The following CFDP1 variants were observed in gnomAD, a reference collection of about 807,000 sequenced individuals.
CFDP1 encodes heterochromatin-stabilizing protein CFDP1.
In CFDP1, 31 loss-of-function variants were observed where a neutral mutation model predicts 40.1. The observed-to-expected ratio is 0.77, with a 90% CI of 0.58 to 1.04. CFDP1 has a LOEUF of 1.04. Among genes scored for constraint, CFDP1 ranks in the 50% least tolerant of loss-of-function variants. CFDP1 has a pLI of 0.00. For missense variants in CFDP1, 423 were observed against 343.4 expected, an observed-to-expected ratio of 1.23 and a Z score of -1.83; for synonymous variants, 167 against 120.0, an observed-to-expected ratio of 1.39 and a Z score of -2.56.
chr16:75,419,105 T>TA (rs2079246990), intron 1 of CFDP1: 1 of 376,798 alleles, frequency 2.7e-6, no homozygotes, highest in Non-Finnish European at 5.4e-6. Context: ...CGCCGACTCA[T>TA]AAAAAATAAA....
chr16:75,389,177 C>T (rs1474184415), intron 5 of CFDP1, among the ~76,000 whole-genome samples: 1 of 152,140 alleles, frequency 6.6e-6, no homozygotes, highest in African/African-American at 2.4e-5. Flanking sequence ...GGGGTTGAAG[C>T]CTGGCCAGCC....
intron 5 of CFDP1, among the ~76,000 whole-genome samples, chr16:75,368,725 T>C (rs1423663711): frequency 6.6e-6 from 1 of 151,950 alleles, no homozygotes; most frequent in Non-Finnish European, 1.5e-5. Flanking sequence ...TCTGTCAGCC[T>C]CAACCTCCTA....
chr16:75,331,002 T>C (rs1262335268), intron 5 of CFDP1, among the ~76,000 whole-genome samples: 1 of 151,394 alleles, frequency 6.6e-6, no homozygotes, highest in Non-Finnish European at 1.5e-5. Flanking sequence ...GTGGGCCTTA[T>C]TCACCAGGGC....
intron 1 of CFDP1, among the ~76,000 whole-genome samples, chr16:75,422,446 C>T (rs2079291355): frequency 7.1e-6 from 1 of 141,724 alleles, no homozygotes; most frequent in Non-Finnish European, 1.5e-5. Flanking sequence ...GTTGCCCAAG[C>T]TAGAGTGCAG....
At chr16:75,378,209 G>A (rs374888549) in intron 5 of CFDP1, among the ~76,000 whole-genome samples, 4 of 152,196 alleles carry the variant, frequency 2.6e-5, no homozygotes, top group African/African-American at 9.6e-5. Flanking sequence ...ACAACTAGAG[G>A]ACAAGTCAAC....
At chr16:75,320,001 CACA>C (rs760473655) in intron 5 of CFDP1, among the ~76,000 whole-genome samples, 1 of 152,164 alleles carries the variant, frequency 6.6e-6, no homozygotes, top group Non-Finnish European at 1.5e-5. Flanking sequence ...ATCTGTAAAC[CACA>C]ACATTGTTTC....
chr16:75,421,553 C>T (rs79767718), intron 1 of CFDP1, among the ~76,000 whole-genome samples: 1 of 152,130 alleles, frequency 6.6e-6, no homozygotes, highest in Admixed American at 6.6e-5. Context: ...TTCCAATAAC[C>T]TTTCTAGTGC....
chr16:75,415,235 C>T (rs531835839), intron 1 of CFDP1, among the ~76,000 whole-genome samples: 1 of 152,222 alleles, frequency 6.6e-6, no homozygotes, highest in African/African-American at 2.4e-5. Flanking sequence ...TTGTCAGACA[C>T]TGACATTCAA....
intron 6 of CFDP1, 42 bp downstream of exon 6, chr16:75,304,982 G>A: frequency 6.3e-6 from 10 of 1,593,152 alleles, no homozygotes; most frequent in Non-Finnish European, 7.7e-6. Flanking sequence ...TGATTTCAGG[G>A]TTCTGAGGAT....
At position 75,305,260 on chromosome 16, in the gene CFDP1, G is replaced by A. The variant is rs918423435; in HGVS notation, c.651-78C>T. 8.4e-6 allele frequency: 12 copies of A among 1,437,038 alleles called. No individual in the cohort carries two copies. The African/African-American group carries it at 9.9e-5, about 12-fold the overall frequency. The allele number at this position is 1,437,038 out of a possible 1,614,324, so 89.0% of individuals were successfully genotyped here. A position where few individuals can be genotyped will look rare whatever the true frequency, so the allele number is the denominator to read the frequency against. ...TTAACAGTTTTTCTGATGCAAATGG[G>A]AATCCCCTAGATTGGGGCCATTTAT... On this transcript the variant is annotated intron_variant, in intron 5 of 6. Coordinates refer to ENST00000283882, the MANE Select transcript of CFDP1 (RefSeq NM_006324.3).
intron 5 of CFDP1, among the ~76,000 whole-genome samples, chr16:75,392,494 A>T (rs1404043140): frequency 2.6e-5 from 4 of 152,064 alleles, no homozygotes; most frequent in Non-Finnish European, 5.9e-5. Context: ...TCTATAAAAC[A>T]TTATTTATTC....
At chr16:75,410,908 CAAAAAAAA>C (rs74355496) in intron 4 of CFDP1, among the ~76,000 whole-genome samples, 3 of 62,608 alleles carry the variant, frequency 4.8e-5, no homozygotes, top group Non-Finnish European at 9.1e-5. Context: ...GACTCTGTCT[CAAAAAAAA>C]AAAAAAAAAA....
chr16:75,363,476 A>T (rs1318503711), intron 5 of CFDP1, among the ~76,000 whole-genome samples: 1 of 151,546 alleles, frequency 6.6e-6, no homozygotes, highest in Non-Finnish European at 1.5e-5. Flanking sequence ...GCTCACTGCA[A>T]CCTCTGCCTC....
intron 5 of CFDP1, among the ~76,000 whole-genome samples, chr16:75,364,125 C>A (rs1331776269): frequency 2.0e-5 from 3 of 151,910 alleles, no homozygotes; most frequent in Admixed American, 2.0e-4. Flanking sequence ...ATTAAAAAAA[C>A]AAAACAAAAC....
rs1341108672 is a variant in CFDP1 at position 75,433,249 on chromosome 16, G to A, written c.64+40C>T. On this transcript the variant is annotated intron_variant, in intron 1 of 6. Transcript: ENST00000283882. ...GAGCGCGCCTCACGTGAGGCGTGGG[G>A]CGGGGCAATTCGCTTCTCGCCTCAG... The A allele has an allele frequency of 3.2e-6, 5 of 1,557,766 alleles. No homozygotes were observed. The South Asian group carries it at 3.5e-5, about 11-fold the overall frequency.
At chr16:75,412,799 G>C (rs373687390) in intron 2 of CFDP1, 45 bp from the exon 3 acceptor site, 5 of 1,477,232 alleles carry the variant, frequency 3.4e-6, no homozygotes, top group African/African-American at 2.8e-5. Flanking sequence ...AGCACAAAAC[G>C]ATTTCAGTTA....
In CFDP1 at chr16:75,411,358, C is replaced by A. The variant is rs560768392; in HGVS notation, c.530+467G>T. ...CCCGGGAGGCAGAGGTTGCAGGGAG[C>A]CGAGATCACGCCACTGCATTCCATC... On this transcript the variant is annotated intron_variant, in intron 4 of 6. Transcript: ENST00000283882. Among the ~76,000 whole-genome samples the A allele has an allele frequency of 1.1e-4, 17 of 152,238 alleles. 1 individual carries two copies. Among genetic ancestry groups the A allele is most frequent in the African/African-American group, 4.1e-4 (17 of 41,546 alleles).
At chr16:75,415,913 C>T (rs942589608) in intron 1 of CFDP1, among the ~76,000 whole-genome samples, 7 of 152,088 alleles carry the variant, frequency 4.6e-5, no homozygotes, top group Admixed American at 3.3e-4. Context: ...AGTGCAGTGG[C>T]GCGATCTTGG....
chr16:75,376,935 T>C (rs1015062687), intron 5 of CFDP1, among the ~76,000 whole-genome samples: 2 of 152,222 alleles, frequency 1.3e-5, no homozygotes, highest in Non-Finnish European at 2.9e-5. Flanking sequence ...AAAGTAGATA[T>C]AAATATGACT....
Sources: gnomAD v4.1 joint callset for allele counts (sites outside exome capture counted in the v4.1 genomes callset) on GRCh38, gnomAD v4.1.1 for gene constraint, MANE v1.5 for transcripts, NCBI Gene and HGNC (gene_info 2026-07-23, HGNC 2026-07-21) for gene names.